Variants in CDHR3 observed in about 807,000 individuals in gnomAD.
CDHR3 encodes cadherin related family member 3, also known as cadherin-related family member 3.
Under a neutral mutation model 86.6 loss-of-function variants are expected in CDHR3, and 79 were observed. The ratio of observed to expected loss-of-function variants is 0.91; its 90% CI spans 0.76 to 1.10. CDHR3 has a LOEUF of 1.10. CDHR3 is among the 50% of genes least tolerant of loss of function. The pLI is 0.00. For missense variants in CDHR3, 1,081 were observed against 1,077.6 expected, an observed-to-expected ratio of 1.00 and a Z score of -0.04; for synonymous variants, 421 against 402.4, an observed-to-expected ratio of 1.05 and a Z score of -0.55.
chr7:106,023,782 G>A (rs1402014052), intron 14 of CDHR3, among the ~76,000 whole-genome samples: 2 of 152,338 alleles, frequency 1.3e-5, no homozygotes, highest in East Asian at 1.9e-4. Context: ...TGTGGGAGGA[G>A]CTGGTAGGCT....
rs76472963 is a variant in CDHR3 at position 105,981,734 on chromosome 7, A to T, written c.415+601A>T. ...CTCCACTTGGATGTTTGACAGGTCAAACTTAATGTGCTTCTGAACCAAACT... is the reference window on the plus strand; with the variant it reads ...CTCCACTTGGATGTTTGACAGGTCATACTTAATGTGCTTCTGAACCAAACT... On this transcript the variant is annotated intron_variant, in intron 3 of 18. Transcript: ENST00000317716. 4.6e-5 allele frequency among the ~76,000 whole-genome samples: 7 copies of T among 152,174 alleles called. No individual in the cohort carries two copies. The East Asian group carries it at 1.4e-3, about 29-fold the overall frequency.
chr7:105,989,608 G>T (rs1051982864), intron 4 of CDHR3, among the ~76,000 whole-genome samples: 38 of 152,204 alleles, frequency 2.5e-4, no homozygotes, highest in Admixed American at 1.3e-3. Context: ...GGAAGTGGCA[G>T]CCAGTTGTGA....
At chr7:106,025,595 T>C (rs1423787471) in intron 15 of CDHR3, among the ~76,000 whole-genome samples, 5 of 152,216 alleles carry the variant, frequency 3.3e-5, no homozygotes, top group Non-Finnish European at 5.9e-5. Flanking sequence ...CTCTGAGTTC[T>C]AGGATCTCTC....
chr7:105,997,395 C>T (rs755742887), intron 6 of CDHR3, among the ~76,000 whole-genome samples: 1 of 152,120 alleles, frequency 6.6e-6, no homozygotes, highest in Non-Finnish European at 1.5e-5. Context: ...AATCCTTGAC[C>T]CTCAATTTAT....
At chr7:106,002,220 T>C (rs1358759836) in intron 7 of CDHR3, among the ~76,000 whole-genome samples, 12 of 152,200 alleles carry the variant, frequency 7.9e-5, no homozygotes, top group Admixed American at 4.6e-4. Context: ...CTGAGACCTC[T>C]ATAAAAAAAG....
intron 8 of CDHR3, among the ~76,000 whole-genome samples, chr7:106,005,975 C>CT (rs1302154197): frequency 2.0e-5 from 3 of 152,054 alleles, no homozygotes; most frequent in Non-Finnish European, 2.9e-5. Context: ...TGTGACTGGG[C>CT]GATTTACAAA....
At position 106,013,007 on chromosome 7, in the gene CDHR3, T is replaced by A. The variant is rs1461371338; in HGVS notation, c.1200T>A (p.Asp400Glu). Residue 400 changes from aspartate to glutamate, a missense_variant, in exon 9 of 19, where the codon GAT becomes GAA. Physicochemically the swap from Asp to Glu is conservative, Grantham distance 45. Transcript: ENST00000317716. ...GVGSGSRFLQ[D>E]PAGSGKIVLI... ...GGAGCGGCAGCAGATTTTTACAGGA[T>A]CCAGCTGGCTCTGGGAAGATTGTGG... 5 of 1,608,048 alleles carry A rather than the reference T, an allele frequency of 3.1e-6. 1 individual carries two copies. The highest frequency in any genetic ancestry group is 1.7e-5 in the Admixed American group (1 of 58,800).
intron 11 of CDHR3, 69 bp from the exon 12 acceptor site, chr7:106,017,777 A>G (rs1835887446): frequency 7.8e-7 from 1 of 1,287,726 alleles, no homozygotes; most frequent in African/African-American, 1.5e-5. Flanking sequence ...CAGTTAGGAC[A>G]TCTGTTCCTG....
chr7:105,987,087 A>G (rs1241238590), intron 4 of CDHR3, among the ~76,000 whole-genome samples: 1 of 152,240 alleles, frequency 6.6e-6, no homozygotes, highest in Non-Finnish European at 1.5e-5. Flanking sequence ...TGCAGACAGA[A>G]TAAGGTCATG....
intron 4 of CDHR3, among the ~76,000 whole-genome samples, chr7:105,989,299 C>G (rs571706090): frequency 7.4e-4 from 111 of 150,058 alleles, no homozygotes; most frequent in Non-Finnish European, 1.4e-3. Context: ...CTCTGCTTCC[C>G]CCTCTGCTTG....
At chr7:106,015,236 T>C (rs1316712611) in intron 10 of CDHR3, 23 bp downstream of exon 10, 4 of 1,568,372 alleles carry the variant, frequency 2.6e-6, no homozygotes, top group Non-Finnish European at 3.5e-6. Context: ...TTGTTTTATT[T>C]CATGATTGTC....
At chr7:105,970,577 G>A (rs1320509136) in intron 1 of CDHR3, among the ~76,000 whole-genome samples, 1 of 152,180 alleles carries the variant, frequency 6.6e-6, no homozygotes, top group Non-Finnish European at 1.5e-5. Flanking sequence ...AGCCATGGAA[G>A]GAAAGTATGC....
intron 15 of CDHR3, 106 bp from the exon 16 acceptor site, chr7:106,026,576 C>G (rs1837371296): frequency 1.7e-6 from 2 of 1,169,906 alleles, no homozygotes; most frequent in African/African-American, 1.5e-5. Context: ...CAGTCAACCC[C>G]TGTATCTCAA....
intron 1 of CDHR3, among the ~76,000 whole-genome samples, chr7:105,967,974 AC>A (rs1827251650): frequency 1.3e-5 from 2 of 152,232 alleles, no homozygotes; most frequent in African/African-American, 4.8e-5. Flanking sequence ...AACCGATTTG[AC>A]AATTTTGCCT....
chr7:105,991,995 C>T (rs539625023), intron 4 of CDHR3, among the ~76,000 whole-genome samples: 2 of 152,302 alleles, frequency 1.3e-5, no homozygotes, highest in South Asian at 2.1e-4. Context: ...TCCAGAGTCA[C>T]CAAACTTAAT....
chr7:106,019,017 G>A (rs1836112126), intron 12 of CDHR3, among the ~76,000 whole-genome samples: 1 of 152,148 alleles, frequency 6.6e-6, no homozygotes, highest in Non-Finnish European at 1.5e-5. Context: ...ATTATCCAAG[G>A]GCAACATGAT....
intron 18 of CDHR3, among the ~76,000 whole-genome samples, chr7:106,031,227 C>G (rs995274231): frequency 6.6e-6 from 1 of 150,600 alleles, no homozygotes; most frequent in Non-Finnish European, 1.5e-5. Flanking sequence ...CACATTCTTC[C>G]TGGATGCTTC....
intron 4 of CDHR3, among the ~76,000 whole-genome samples, chr7:105,989,200 T>A (rs1830968154): frequency 7.9e-6 from 1 of 126,218 alleles, no homozygotes. Context: ...TACTGGCATT[T>A]CTTCTTTGGG....
chr7:106,026,951 C>T (rs1837446224), intron 16 of CDHR3, among the ~76,000 whole-genome samples: 1 of 152,170 alleles, frequency 6.6e-6, no homozygotes, highest in Non-Finnish European at 1.5e-5. Context: ...CGCCAATCAG[C>T]TCAGCTGAAC....
Sources: gnomAD v4.1 joint callset for allele counts (sites outside exome capture counted in the v4.1 genomes callset) on GRCh38, gnomAD v4.1.1 for gene constraint, MANE v1.5 for transcripts, NCBI Gene and HGNC (gene_info 2026-07-23, HGNC 2026-07-21) for gene names.